VAV2: variants seen among roughly 807,000 people sequenced by gnomAD.
The protein encoded by VAV2 is vav guanine nucleotide exchange factor 2.
Under a neutral mutation model 132.5 loss-of-function variants are expected in VAV2, and 67 were observed. The ratio of observed to expected loss-of-function variants is 0.51; its 90% confidence interval spans 0.42 to 0.62. The LOEUF (loss-of-function observed/expected upper bound fraction) is 0.62, where lower values mean the gene tolerates loss of function less well. Ranked by LOEUF, VAV2 falls within the 20% of genes least tolerant of loss-of-function variation. VAV2 has a pLI of 0.00. For missense variants in VAV2, 938 were observed against 1,153.6 expected (o/e 0.81, Z 2.71); for synonymous variants, 492 against 443.5 (o/e 1.11, Z -1.37).
At position 133,836,454 on chromosome 9, in the gene VAV2, C is replaced by T. The variant is rs537647246; in HGVS notation, c.381-2114G>A. Among the ~76,000 whole-genome samples the T allele has an allele frequency of 2.6e-5, 4 of 152,312 alleles. No individual in the cohort carries two copies. The South Asian group carries it at 8.3e-4, about 32-fold the overall frequency. On this transcript the variant is annotated intron_variant, in intron 3 of 29. Transcript: ENST00000371850. ...AAATTTTCAGTGATGATTGGTATGACTTCCATAATAAAGAAAAATAGAATC... is the reference window on the plus strand; with the variant it reads ...AAATTTTCAGTGATGATTGGTATGATTTCCATAATAAAGAAAAATAGAATC...
chr9:133,825,432 G>A (rs948537589), intron 4 of VAV2, among the ~76,000 whole-genome samples: 2 of 152,150 alleles, frequency 1.3e-5, no homozygotes, highest in Non-Finnish European at 2.9e-5. Context: ...AACAGGGCTG[G>A]ATTCATTTGC....
intron 19 of VAV2, 118 bp from the exon 20 acceptor site, chr9:133,780,828 G>A (rs1239209281): frequency 2.3e-5 from 26 of 1,136,980 alleles, no homozygotes; most frequent in Non-Finnish European, 2.7e-5. Context: ...AGTGAGCCAA[G>A]CTACAAAGTG....
intron 3 of VAV2, among the ~76,000 whole-genome samples, chr9:133,839,998 C>T (rs77106471): frequency 0.029 from 4,395 of 152,170 alleles, 199 homozygotes; most frequent in African/African-American, 0.099. Flanking sequence ...TCCCCGCCCC[C>T]GAGGCCATCT....
chr9:133,772,091 C>A, intron 25 of VAV2, 45 bp from the exon 26 acceptor site: 1 of 1,518,920 alleles, frequency 6.6e-7, no homozygotes, highest in Non-Finnish European at 9.1e-7. Flanking sequence ...GAGGGCCACA[C>A]GGCCCCGGCC....
At chr9:133,977,527 G>A (rs549190064) in intron 1 of VAV2, among the ~76,000 whole-genome samples, 74 of 152,344 alleles carry the variant, frequency 4.9e-4, no homozygotes, top group African/African-American at 1.6e-3. Flanking sequence ...GGGACACGTG[G>A]CAATGGCCCT....
In VAV2 at chr9:133,912,028, C is replaced by T. The variant is rs1280284168; in HGVS notation, c.321+27075G>A. Among the ~76,000 whole-genome samples, 4 of 152,174 alleles carry T rather than the reference C, an allele frequency of 2.6e-5. No individual in the cohort carries two copies. The highest frequency in any genetic ancestry group is 2.6e-4 in the Admixed American group (4 of 15,282). ...CATGCTGGATTGCTGCACAGAGCATCCCATCACCTAGGTATTAGGCCTGGC... is the reference window on the plus strand; with the variant it reads ...CATGCTGGATTGCTGCACAGAGCATTCCATCACCTAGGTATTAGGCCTGGC... On this transcript the variant is annotated intron_variant, in intron 2 of 29. Transcript: ENST00000371850. The surrounding 1 kb of genome is among the most constrained non-coding windows in gnomAD (Gnocchi z 4.3).
At chr9:133,854,801 G>C (rs1049641888) in intron 3 of VAV2, among the ~76,000 whole-genome samples, 2 of 151,776 alleles carry the variant, frequency 1.3e-5, no homozygotes, top group Non-Finnish European at 2.9e-5. Context: ...GAAAGAAAAG[G>C]AAAAAAAAGA....
intron 3 of VAV2, among the ~76,000 whole-genome samples, chr9:133,850,099 G>T (rs1279214054): frequency 6.6e-6 from 1 of 152,188 alleles, no homozygotes; most frequent in East Asian, 1.9e-4. Flanking sequence ...TGCCTCACTG[G>T]TTGGGTCCCT....
chr9:133,800,037 C>T (rs768405560), intron 9 of VAV2, among the ~76,000 whole-genome samples: 6 of 152,318 alleles, frequency 3.9e-5, no homozygotes, highest in Admixed American at 6.5e-5. Context: ...GCTCTGGGAC[C>T]GTGACTGTCG....
In VAV2 at chr9:133,791,868, T is replaced by A; in HGVS notation, c.1103A>T (p.Asp368Val). 1 of 1,613,698 alleles carries A rather than the reference T, an allele frequency of 6.2e-7. No homozygotes were observed. Residue 368 changes from aspartate (D) to valine (V), a missense_variant and splice_region_variant, in exon 13 of 30, where the codon GAC (aspartate) becomes GTC (valine). Physicochemically the swap from Asp to Val is radical, Grantham distance 152. Coordinates refer to ENST00000371850, the MANE Select transcript of VAV2 (RefSeq NM_001134398.2). ...QLKEALEAMQ[D>V]LAMYINEVKR... The stretch of plus-strand genomic sequence containing the variant: ...AACTTCATTGATGTACATCGCCAAG[T>A]CCTTGAAAACAAGAGGCAGAGGTGA...
At chr9:133,875,443 C>G (rs1306549936) in intron 2 of VAV2, among the ~76,000 whole-genome samples, 2 of 152,110 alleles carry the variant, frequency 1.3e-5, no homozygotes, top group Admixed American at 1.3e-4. Flanking sequence ...GCAGAGGGGG[C>G]CCCACAGACA....
rs1305518607 is a variant in VAV2, at chr9:133,918,574, C to A, written c.321+20529G>T. On this transcript the variant is annotated intron_variant, in intron 2 of 29. Transcript: ENST00000371850. This position sits in a 1 kb window ranked among gnomAD's most constrained non-coding sequence, Gnocchi z 4.7. ...CATTCGTTCCTGCCTCACAACTCCA[C>A]GTGGCTGATACTGTTATGTCCATTT... 1.3e-5 allele frequency among the ~76,000 whole-genome samples: 2 copies of A among 151,590 alleles called. No individual in the cohort carries two copies. Among genetic ancestry groups the A allele is most frequent in the African/African-American group, 2.4e-5 (1 of 40,996 alleles).
In VAV2 at chr9:133,863,624, T is replaced by A. The variant is rs1288644783; in HGVS notation, c.322-2192A>T. Among the ~76,000 whole-genome samples the A allele has an allele frequency of 6.6e-6, 1 of 152,148 alleles. No individual in the cohort carries two copies. Among genetic ancestry groups the A allele is most frequent in the Non-Finnish European group, 1.5e-5 (1 of 68,012 alleles). On this transcript the variant is annotated intron_variant, in intron 2 of 29. Transcript: ENST00000371850. This position sits in a 1 kb window ranked among gnomAD's most constrained non-coding sequence, Gnocchi z 5.0. ...GGATGAACGTGTCACGAGCAGCTGA[T>A]GAAGGGCTCTGGAGGGCCTGCAGCA...
rs1396796347 is a variant in VAV2 at position 133,794,606 on chromosome 9, G to C, written c.1101+1062C>G. 6.6e-6 allele frequency among the ~76,000 whole-genome samples: 1 copy of C among 152,218 alleles called. No homozygotes were observed. Among genetic ancestry groups the C allele is most frequent in the East Asian group, 1.9e-4 (1 of 5,176 alleles). On this transcript the variant is annotated intron_variant, in intron 12 of 29. Coordinates refer to ENST00000371850, the MANE Select transcript of VAV2 (RefSeq NM_001134398.2). The surrounding 1 kb of genome is among the most constrained non-coding windows in gnomAD (Gnocchi z 4.6). ...AAGGAAAAGGGGGCCCAAAGCCCAG[G>C]GGGGCTGCCCAGAGGGCAGGGGCCA...
chr9:133,785,350 T>A (rs1834176288), intron 17 of VAV2, among the ~76,000 whole-genome samples: 1 of 152,192 alleles, frequency 6.6e-6, no homozygotes, highest in South Asian at 2.1e-4. Flanking sequence ...TTGGATCTCA[T>A]GGAAAAATAG....
intron 23 of VAV2, 76 bp downstream of exon 23, chr9:133,777,313 A>T: frequency 6.7e-7 from 1 of 1,489,602 alleles, no homozygotes. Context: ...AAAAATGTCC[A>T]CGTGAGGAGG....
Position 133,907,012 on chromosome 9 carries a change from C to T in VAV2, c.321+32091G>A, listed in dbSNP as rs367951905. Among the ~76,000 whole-genome samples, 22 of 152,340 alleles carry T rather than the reference C, an allele frequency of 1.4e-4. No homozygotes were observed. In the East Asian group the frequency reaches 2.9e-3, roughly 20 times the overall value. ...AGTGATGGCCGCTATGCTGCTCGGC[C>T]CCCTCAGGCCTGCCTCAGCCTGGCT... On this transcript the variant is annotated intron_variant, in intron 2 of 29. Transcript: ENST00000371850.
chr9:133,814,424 C>T (rs937144217), intron 4 of VAV2, among the ~76,000 whole-genome samples: 40 of 152,350 alleles, frequency 2.6e-4, no homozygotes, highest in African/African-American at 9.4e-4. Context: ...GCGGCAAAGC[C>T]TCTGTCGAAA....
At position 133,884,684 on chromosome 9, in the gene VAV2, A is replaced by G. The variant is rs1473643500; in HGVS notation, c.322-23252T>C. Among the ~76,000 whole-genome samples the G allele has an allele frequency of 6.6e-6, 1 of 152,248 alleles. No individual in the cohort carries two copies. The highest frequency in any genetic ancestry group is 2.4e-5 in the African/African-American group (1 of 41,462). Reference sequence around the variant, plus strand: ...CTTGCTAAAAAGAAAAACAAAAAAAAACACCTCTGGCTTTAAAAATGTTTT... The same window carrying G: ...CTTGCTAAAAAGAAAAACAAAAAAAGACACCTCTGGCTTTAAAAATGTTTT... On this transcript the variant is annotated intron_variant, in intron 2 of 29. Transcript: ENST00000371850. This position sits in a 1 kb window ranked among gnomAD's most constrained non-coding sequence, Gnocchi z 5.3.
Sources: allele counts gnomAD v4.1 joint callset (sites outside exome capture counted in the v4.1 genomes callset), GRCh38; gene constraint gnomAD v4.1.1; non-coding constraint Gnocchi (gnomAD v3.1); transcripts MANE v1.5; gene names NCBI Gene and HGNC (gene_info 2026-07-23, HGNC 2026-07-21).